The following VAMP4 variants were observed in gnomAD, a reference collection of about 807,000 sequenced individuals.
VAMP4 encodes the protein vesicle associated membrane protein 4.
A neutral mutation model predicts 23.5 loss-of-function variants in VAMP4; 19 were observed. The ratio of observed to expected loss-of-function variants is 0.81; its 90% CI spans 0.56 to 1.19. VAMP4 has a LOEUF of 1.19. Among genes scored for constraint, VAMP4 ranks in the 50% most tolerant of loss-of-function variants. VAMP4 has a pLI of 0.00. For missense variants in VAMP4, 145 were observed against 168.6 expected (o/e 0.86, Z 0.78); for synonymous variants, 31 against 51.0 (o/e 0.61, Z 1.67).
chr1:171,726,064 T>G (rs578002650), intron 3 of VAMP4, among the ~76,000 whole-genome samples: 10 of 151,700 alleles, frequency 6.6e-5, no homozygotes, highest in East Asian at 3.9e-4. Flanking sequence ...ACATTTTTTT[T>G]TGGGGGGGGC....
rs1654567804 is a variant in VAMP4 at position 171,704,060 on chromosome 1, T to C, written c.*446A>G. On this transcript the variant is annotated 3_prime_UTR_variant, in exon 8 of 8. Coordinates refer to ENST00000236192, the MANE Select transcript of VAMP4 (RefSeq NM_003762.5). Reference sequence around the variant, plus strand: ...TGTAATATGAAAGGAACTATATTTCTGCAAATATTGACAGAATGGTTATGC... The same window carrying C: ...TGTAATATGAAAGGAACTATATTTCCGCAAATATTGACAGAATGGTTATGC... 1 of 152,674 alleles carries C rather than the reference T, an allele frequency of 6.5e-6. No homozygotes were observed. The highest frequency in any genetic ancestry group is 2.1e-4 in the South Asian group (1 of 4,826). The allele number at this position is 152,674 out of a possible 1,614,324, so 9.5% of individuals were successfully genotyped here. A position where few individuals can be genotyped will look rare whatever the true frequency, so the allele number is the denominator to read the frequency against.
intron 2 of VAMP4, among the ~76,000 whole-genome samples, chr1:171,736,964 G>A (rs994154315): frequency 3.9e-5 from 6 of 152,114 alleles, no homozygotes; most frequent in African/African-American, 1.2e-4. Context: ...ATGACAGAGC[G>A]AGACCCTGGT....
At chr1:171,719,932 A>C (rs1426953002) in intron 3 of VAMP4, among the ~76,000 whole-genome samples, 3 of 151,964 alleles carry the variant, frequency 2.0e-5, no homozygotes, top group Non-Finnish European at 4.4e-5. Flanking sequence ...ATAAGACATA[A>C]ACTACAAAAC....
At chr1:171,736,353 C>T (rs1655740727) in intron 2 of VAMP4, among the ~76,000 whole-genome samples, 1 of 152,152 alleles carries the variant, frequency 6.6e-6, no homozygotes, top group African/African-American at 2.4e-5. Context: ...CATCCTCTGC[C>T]TTCTCTCGGC....
intron 3 of VAMP4, among the ~76,000 whole-genome samples, chr1:171,727,558 T>C (rs1450473644): frequency 1.3e-5 from 2 of 152,146 alleles, no homozygotes; most frequent in Non-Finnish European, 2.9e-5. Context: ...TGGAAAACAA[T>C]TGTAAACTTA....
At chr1:171,719,123 G>A in intron 4 of VAMP4, 48 bp downstream of exon 4, 3 of 1,567,162 alleles carry the variant, frequency 1.9e-6, no homozygotes, top group Non-Finnish European at 2.6e-6. Flanking sequence ...CCAATCTCTA[G>A]TCTACACAGA....
At chr1:171,735,726 A>G (rs888925450) in intron 2 of VAMP4, among the ~76,000 whole-genome samples, 1 of 152,210 alleles carries the variant, frequency 6.6e-6, no homozygotes, top group Non-Finnish European at 1.5e-5. Flanking sequence ...AATATTCATC[A>G]GGAGCTTTCA....
intron 2 of VAMP4, among the ~76,000 whole-genome samples, chr1:171,731,048 C>CAAAAAAA (rs11370834): frequency 6.8e-6 from 1 of 146,990 alleles, no homozygotes; most frequent in Non-Finnish European, 1.5e-5. Flanking sequence ...ACTAAAAATA[C>CAAAAAAA]AAAAAAACAA....
rs1655165485 is a variant in VAMP4, at chr1:171,720,759, A to G, written c.114-1538T>C. On this transcript the variant is annotated intron_variant, in intron 3 of 7. Coordinates refer to ENST00000236192, the MANE Select transcript of VAMP4 (RefSeq NM_003762.5). ...AAGAAAAAATAAGAATTCTATGCAA[A>G]CTATTCTGGAAAACTAAAAAAGACA... 1.3e-5 allele frequency among the ~76,000 whole-genome samples: 2 copies of G among 152,052 alleles called. 1 individual carries two copies. The highest frequency in any genetic ancestry group is 4.1e-4 in the South Asian group (2 of 4,834).
chr1:171,731,225 A>C lies in VAMP4; in HGVS notation c.67-2655T>G, dbSNP rs138122968. Among the ~76,000 whole-genome samples, 1,195 of 152,246 alleles carry C rather than the reference A, an allele frequency of 7.8e-3. 17 individuals are homozygous for C. Among genetic ancestry groups the C allele is most frequent in the African/African-American group, 0.027 (1,139 of 41,540 alleles). ...GATTGCAATTGAACAATGAGAACAC[A>C]TGGACACAGGAAGGGGAACATCACA... On this transcript the variant is annotated intron_variant, in intron 2 of 7. Coordinates refer to ENST00000236192, the MANE Select transcript of VAMP4 (RefSeq NM_003762.5).
rs1276408259 is a variant in VAMP4 at position 171,701,036 on chromosome 1, A to T, written c.*3470T>A. 6.6e-6 allele frequency: 1 copy of T among 152,222 alleles called. No homozygotes were observed. The highest frequency in any genetic ancestry group is 2.4e-5 in the African/African-American group (1 of 41,458). 9.4% of individuals were successfully genotyped at this position (152,222 alleles called of 1,614,324 possible). A position where few individuals can be genotyped will look rare whatever the true frequency, so the allele number is the denominator to read the frequency against. On this transcript the variant is annotated 3_prime_UTR_variant, in exon 8 of 8. Transcript: ENST00000236192. ...AAGTATTAAAGAGGATCTAAACCCT[A>T]CATCAATCTAAAGCATTTAGACAAA...
chr1:171,739,899 C>T (rs955203371), intron 1 of VAMP4, among the ~76,000 whole-genome samples: 4 of 152,146 alleles, frequency 2.6e-5, no homozygotes, highest in African/African-American at 4.8e-5. Flanking sequence ...GTGTATGCAA[C>T]ATACTAAAAT....
chr1:171,704,992 T>C (rs1654605338), intron 7 of VAMP4, among the ~76,000 whole-genome samples: 1 of 152,084 alleles, frequency 6.6e-6, no homozygotes, highest in Non-Finnish European at 1.5e-5. Flanking sequence ...ATTTCACATT[T>C]TCCAATTGCT....
intron 2 of VAMP4, 119 bp from the exon 3 acceptor site, chr1:171,728,689 G>C (rs1655454575): frequency 1.1e-6 from 1 of 931,902 alleles, no homozygotes; most frequent in Non-Finnish European, 1.6e-6. Context: ...TGTCCATAAA[G>C]AGGGAAAAGT....
At chr1:171,729,753 G>A (rs757578386) in intron 2 of VAMP4, among the ~76,000 whole-genome samples, 3 of 152,104 alleles carry the variant, frequency 2.0e-5, no homozygotes, top group Non-Finnish European at 2.9e-5. Context: ...TCCACCTCCC[G>A]GGTTCAAGTG....
chr1:171,729,514 AT>A (rs755964331), intron 2 of VAMP4, among the ~76,000 whole-genome samples: 9 of 152,172 alleles, frequency 5.9e-5, no homozygotes, highest in Non-Finnish European at 1.0e-4. Context: ...GGAATTTTCC[AT>A]TGTGGCATCA....
intron 3 of VAMP4, among the ~76,000 whole-genome samples, chr1:171,721,139 A>G (rs1465725691): frequency 6.6e-6 from 1 of 152,034 alleles, no homozygotes; most frequent in Non-Finnish European, 1.5e-5. Context: ...TAGGAATAGG[A>G]GGAAACTTCT....
chr1:171,701,063 G>A lies in VAMP4; in HGVS notation c.*3443C>T, dbSNP rs930757025. On this transcript the variant is annotated 3_prime_UTR_variant, in exon 8 of 8. Transcript: ENST00000236192. ...ATCAATCTAAAGCATTTAGACAAATGCATTTTTAGACAAAAGCATTTAGAC... is the reference window on the plus strand; with the variant it reads ...ATCAATCTAAAGCATTTAGACAAATACATTTTTAGACAAAAGCATTTAGAC... The A allele has an allele frequency of 6.6e-6, 1 of 152,060 alleles. No homozygotes were observed. Among genetic ancestry groups the A allele is most frequent in the East Asian group, 1.9e-4 (1 of 5,198 alleles). The allele number at this position is 152,060 out of a possible 1,614,324, so 9.4% of individuals were successfully genotyped here. A position where few individuals can be genotyped will look rare whatever the true frequency, so the allele number is the denominator to read the frequency against.
At chr1:171,728,306 C>T (rs968151080) in intron 3 of VAMP4, among the ~76,000 whole-genome samples, 18 of 152,278 alleles carry the variant, frequency 1.2e-4, no homozygotes, top group Admixed American at 1.1e-3. Context: ...ATAGATGATT[C>T]TCCTTCTGAC....
Sources: gnomAD v4.1 joint callset for allele counts (sites outside exome capture counted in the v4.1 genomes callset) on GRCh38, gnomAD v4.1.1 for gene constraint, MANE v1.5 for transcripts, NCBI Gene and HGNC (gene_info 2026-07-23, HGNC 2026-07-21) for gene names.